RNF146: variants seen among roughly 807,000 people sequenced by gnomAD.
RNF146 encodes ring finger protein 146, also known as E3 ubiquitin-protein ligase RNF146.
In RNF146, 11 loss-of-function variants were observed where a neutral mutation model predicts 29.7. The ratio of observed to expected loss-of-function variants is 0.37; its 90% CI spans 0.23 to 0.61. The LOEUF (loss-of-function observed/expected upper bound fraction) is 0.61. Among genes scored for constraint, RNF146 ranks in the 20% least tolerant of loss-of-function variants. The probability of loss-of-function intolerance (pLI) is 0.66; values close to 1 mark genes in which losing one functional copy is unlikely to be tolerated. For synonymous variants in RNF146, 150 were observed against 159.7 expected (o/e 0.94, Z 0.46); for missense variants, 342 against 438.9 (o/e 0.78, Z 1.97).
rs1779679095 is a variant in RNF146, at chr6:127,287,489, C to T, written c.876C>T (p.Ala292=). 4 of 1,613,180 alleles carry T rather than the reference C, an allele frequency of 2.5e-6. No homozygotes were observed. The highest frequency in any genetic ancestry group is 1.1e-5 in the South Asian group (1 of 91,066). The change falls in exon 3 of 3, where the codon GCC becomes GCT. Residue 292 remains alanine (A), a synonymous_variant. Transcript: ENST00000368314. The part of the protein sequence containing the change: ...DTSIEETESD[A]SSDSEDVSAV... ...CCATTGAAGAAACTGAATCAGATGC[C>T]AGTAGTGATAGTGAGGATGTATCTG...
At chr6:127,283,304 T>C (rs1779133852) in intron 2 of RNF146, among the ~76,000 whole-genome samples, 2 of 151,832 alleles carry the variant, frequency 1.3e-5, no homozygotes, top group South Asian at 2.1e-4. Flanking sequence ...ACTCCAAATT[T>C]CTGTGTATTA....
intron 2 of RNF146, among the ~76,000 whole-genome samples, chr6:127,284,185 A>T (rs1193587802): frequency 6.6e-6 from 1 of 151,848 alleles, no homozygotes; most frequent in Non-Finnish European, 1.5e-5. Context: ...TTATGTATTT[A>T]AAAGCATGGC....
At chr6:127,278,905 C>A (rs1778588533) in intron 1 of RNF146, among the ~76,000 whole-genome samples, 1 of 151,860 alleles carries the variant, frequency 6.6e-6, no homozygotes, top group South Asian at 2.1e-4. Context: ...TGTTAAGGAT[C>A]TTTTTGTGTG....
chr6:127,284,841 C>T (rs1315892005), intron 2 of RNF146, among the ~76,000 whole-genome samples: 2 of 151,886 alleles, frequency 1.3e-5, no homozygotes, highest in African/African-American at 2.4e-5. Flanking sequence ...AGCGGCCTAA[C>T]ACAAATTCAT....
intron 1 of RNF146, among the ~76,000 whole-genome samples, chr6:127,274,121 C>G (rs192733178): frequency 1.4e-3 from 219 of 152,104 alleles, no homozygotes; most frequent in African/African-American, 5.1e-3. Flanking sequence ...AATCATTAGT[C>G]TTCAAATAAG....
At chr6:127,271,998 G>A (rs531038217) in intron 1 of RNF146, among the ~76,000 whole-genome samples, 1 of 152,172 alleles carries the variant, frequency 6.6e-6, no homozygotes, top group Admixed American at 6.5e-5. Context: ...TGCATACGTG[G>A]CTTGCATCAT....
intron 1 of RNF146, among the ~76,000 whole-genome samples, chr6:127,275,544 G>A (rs914455425): frequency 6.6e-6 from 1 of 151,998 alleles, no homozygotes; most frequent in Non-Finnish European, 1.5e-5. Flanking sequence ...GCTATTTAAA[G>A]ATATAAAAAT....
intron 2 of RNF146, chr6:127,282,296 T>C (rs896518361): frequency 4.0e-5 from 6 of 151,736 alleles, no homozygotes; most frequent in Non-Finnish European, 7.4e-5. Context: ...GATATTGGAG[T>C]AATTCAAGAT....
At chr6:127,267,183 C>T (rs1776738865) in intron 1 of RNF146, 1 of 152,352 alleles carries the variant, frequency 6.6e-6, no homozygotes, top group Non-Finnish European at 1.5e-5. Flanking sequence ...CCGCCACCCC[C>T]GCCTTGGCTG....
rs1225614420 is a variant in RNF146 at position 127,273,797 on chromosome 6, ATG to A, written c.-108-6432_-108-6431del. On this transcript the variant is annotated intron_variant, in intron 1 of 2. Transcript: ENST00000368314. ...AATTGAAGAAATAGGCTAAATAAAT[ATG>A]TCTTTGGCTGTGTTCTTTTGAAAAT... Among the ~76,000 whole-genome samples the A allele has an allele frequency of 7.2e-5, 11 of 152,268 alleles. 2 individuals are homozygous for A. Among genetic ancestry groups the A allele is most frequent in the Admixed American group, 7.2e-4 (11 of 15,288 alleles).
chr6:127,267,250 C>T (rs897008919), intron 1 of RNF146, among the ~76,000 whole-genome samples: 10 of 151,962 alleles, frequency 6.6e-5, no homozygotes, highest in Non-Finnish European at 1.3e-4. Flanking sequence ...CGCCGCAGCC[C>T]CTGCCCTGGG....
intron 2 of RNF146, among the ~76,000 whole-genome samples, chr6:127,282,038 C>T (rs571913080): frequency 7.3e-5 from 11 of 151,500 alleles, no homozygotes; most frequent in Admixed American, 5.9e-4. Flanking sequence ...ATGTCTTGGC[C>T]GAGTAAAAGT....
chr6:127,281,642 T>A (rs893283471), intron 2 of RNF146, among the ~76,000 whole-genome samples: 1 of 151,674 alleles, frequency 6.6e-6, no homozygotes, highest in South Asian at 2.1e-4. Context: ...AACAGTAATA[T>A]GTGGGAAGGC....
chr6:127,271,897 G>T (rs115426494), intron 1 of RNF146, among the ~76,000 whole-genome samples: 7 of 152,080 alleles, frequency 4.6e-5, no homozygotes, highest in Admixed American at 2.0e-4. Flanking sequence ...ATCCTCCTGT[G>T]TCACTACCCA....
At chr6:127,285,903 C>G (rs1779453249) in intron 2 of RNF146, 2 of 456,150 alleles carry the variant, frequency 4.4e-6, no homozygotes, top group Non-Finnish European at 7.0e-6. Context: ...ATCTTTAGAC[C>G]CATCAGTACT....
chr6:127,287,381 C>T lies in RNF146; in HGVS notation c.768C>T (p.Asn256=). 2 of 1,613,450 alleles carry T rather than the reference C, an allele frequency of 1.2e-6. No individual in the cohort carries two copies. Among genetic ancestry groups the T allele is most frequent in the African/African-American group, 1.3e-5 (1 of 74,958 alleles). ...SFAHLQLSGD[N]TAERSHRGEG... ...CTCATTTACAACTCAGTGGAGACAACACAGCTGAAAGGAGTCATAGGGGAG... is the reference window on the plus strand; with the variant it reads ...CTCATTTACAACTCAGTGGAGACAATACAGCTGAAAGGAGTCATAGGGGAG... The change falls in exon 3 of 3, where the codon AAC becomes AAT. Residue 256 remains asparagine, a synonymous_variant. Transcript: ENST00000368314.
At chr6:127,276,774 T>A (rs1292229170) in intron 1 of RNF146, among the ~76,000 whole-genome samples, 1 of 152,012 alleles carries the variant, frequency 6.6e-6, no homozygotes, top group Non-Finnish European at 1.5e-5. Context: ...GATTATAATA[T>A]TTGGTTGCTG....
intron 2 of RNF146, among the ~76,000 whole-genome samples, chr6:127,285,546 T>TTTTA (rs57592897): frequency 1.3e-5 from 2 of 150,882 alleles, no homozygotes; most frequent in Admixed American, 6.6e-5. Context: ...TTTTTTTTTT[T>TTTTA]ACCATGGGGA....
chr6:127,269,337 A>C (rs899963864), intron 1 of RNF146, among the ~76,000 whole-genome samples: 2 of 152,346 alleles, frequency 1.3e-5, no homozygotes, highest in Admixed American at 1.3e-4. Context: ...AAGGTCACAC[A>C]GATAATTTGC....
Sources: gnomAD v4.1 joint callset for allele counts (sites outside exome capture counted in the v4.1 genomes callset) on GRCh38, gnomAD v4.1.1 for gene constraint, MANE v1.5 for transcripts, NCBI Gene and HGNC (gene_info 2026-07-23, HGNC 2026-07-21) for gene names.